The following LCLAT1 variants were observed in gnomAD, a reference collection of about 807,000 sequenced individuals.
The protein encoded by LCLAT1 is 1-AGP acyltransferase 8.
Under a neutral mutation model 30.7 loss-of-function variants are expected in LCLAT1, and 11 were observed. The observed-to-expected ratio is 0.36, with a 90% CI of 0.23 to 0.59. The LOEUF (loss-of-function observed/expected upper bound fraction) is 0.59. Ranked by LOEUF, LCLAT1 falls within the 20% of genes least tolerant of loss-of-function variation. The pLI is 0.77. For synonymous variants in LCLAT1, 155 were observed against 151.3 expected (o/e 1.02, Z -0.18); for missense variants, 402 against 458.6 (o/e 0.88, Z 1.13).
At chr2:30,498,553 C>A (rs1004544007) in intron 1 of LCLAT1, among the ~76,000 whole-genome samples, 2 of 152,148 alleles carry the variant, frequency 1.3e-5, no homozygotes, top group African/African-American at 4.8e-5. Context: ...GTTTGATTTT[C>A]AGGCTTCTTT....
intron 3 of LCLAT1, among the ~76,000 whole-genome samples, chr2:30,553,293 A>G (rs913478495): frequency 6.6e-5 from 10 of 152,328 alleles, no homozygotes; most frequent in African/African-American, 2.2e-4. Flanking sequence ...AGTCAAAACT[A>G]GGTTCTAAAA....
intron 3 of LCLAT1, among the ~76,000 whole-genome samples, chr2:30,552,042 G>A (rs1664704151): frequency 6.6e-6 from 1 of 152,102 alleles, no homozygotes; most frequent in South Asian, 2.1e-4. Context: ...ACATCTTTTG[G>A]GGGATGATTA....
intron 5 of LCLAT1, among the ~76,000 whole-genome samples, chr2:30,624,502 A>G (rs545750506): frequency 6.0e-4 from 92 of 152,360 alleles, no homozygotes; most frequent in African/African-American, 2.1e-3. Context: ...TTAAAGCAAC[A>G]GCAGTTAAAA....
intron 5 of LCLAT1, among the ~76,000 whole-genome samples, chr2:30,619,785 C>T (rs1668157351): frequency 6.6e-6 from 1 of 152,118 alleles, no homozygotes; most frequent in African/African-American, 2.4e-5. Flanking sequence ...TGCCTTCTTC[C>T]CTTTAAGTTT....
chr2:30,497,870 T>C lies in LCLAT1; in HGVS notation c.-4-27717T>C, dbSNP rs557504517. 6.1e-4 allele frequency among the ~76,000 whole-genome samples: 93 copies of C among 152,358 alleles called. No individual in the cohort carries two copies. The Middle Eastern group carries it at 0.014, about 22-fold the overall frequency. ...ACAATTTTGAACAATATATGGTATT[T>C]TTCTCTGCCTGCACCATGGAGTCCT... On this transcript the variant is annotated intron_variant, in intron 1 of 5. Transcript: ENST00000379509.
rs752044447 is a variant in LCLAT1, at chr2:30,488,066, TAAAAAG to T, written c.-4-37515_-4-37510del. Among the ~76,000 whole-genome samples, 4 of 152,314 alleles carry T rather than the reference TAAAAAG, an allele frequency of 2.6e-5. No homozygotes were observed. In the South Asian group the frequency reaches 8.3e-4, roughly 32 times the overall value. On this transcript the variant is annotated intron_variant, in intron 1 of 5. Coordinates refer to ENST00000379509, the MANE Select transcript of LCLAT1 (RefSeq NM_001002257.3). Reference sequence around the variant, plus strand: ...GTGAATTATATCTTAATAAAGCTGTTAAAAAGAAAAACCATCAAAGCTTTAGAGGTC... The same window carrying T: ...GTGAATTATATCTTAATAAAGCTGTTAAAAACCATCAAAGCTTTAGAGGTC...
chr2:30,583,679 A>C (rs1391283851), intron 5 of LCLAT1, among the ~76,000 whole-genome samples: 1 of 152,234 alleles, frequency 6.6e-6, no homozygotes, highest in Non-Finnish European at 1.5e-5. Context: ...AGAGAAAAGA[A>C]GAAAATGAAT....
At chr2:30,540,409 T>C (rs1664077041) in intron 3 of LCLAT1, among the ~76,000 whole-genome samples, 1 of 152,198 alleles carries the variant, frequency 6.6e-6, no homozygotes, top group Admixed American at 6.5e-5. Context: ...CTAATAATGT[T>C]GCAGTGATTT....
chr2:30,565,091 A>G (rs1665413578), intron 4 of LCLAT1, among the ~76,000 whole-genome samples: 1 of 152,098 alleles, frequency 6.6e-6, no homozygotes, highest in South Asian at 2.1e-4. Flanking sequence ...GGAGTTCTAT[A>G]TTGTATTGGC....
intron 1 of LCLAT1, among the ~76,000 whole-genome samples, chr2:30,464,524 A>G (rs1324312687): frequency 6.6e-6 from 1 of 152,210 alleles, no homozygotes; most frequent in Non-Finnish European, 1.5e-5. Context: ...TTGCCAACAA[A>G]AAGACCCCTT....
chr2:30,637,031 C>T (rs4952001), intron 5 of LCLAT1, among the ~76,000 whole-genome samples: 2 of 151,396 alleles, frequency 1.3e-5, no homozygotes. Context: ...TATTGATTTC[C>T]GAGGAGTTTT....
At chr2:30,579,750 A>G (rs182507302) in intron 5 of LCLAT1, among the ~76,000 whole-genome samples, 93 of 152,266 alleles carry the variant, frequency 6.1e-4, no homozygotes, top group Non-Finnish European at 9.6e-4. Flanking sequence ...AACAAACTGT[A>G]TAGAAAAGAA....
intron 5 of LCLAT1, among the ~76,000 whole-genome samples, chr2:30,638,899 G>A (rs1669164465): frequency 1.9e-5 from 2 of 107,092 alleles, no homozygotes; most frequent in South Asian, 4.8e-4. Flanking sequence ...GTCTTTTTTG[G>A]CCCCTACGTC....
Position 30,525,713 on chromosome 2 carries a change from G to T in LCLAT1, c.123G>T (p.Trp41Cys), listed in dbSNP as rs200647800. The change falls in exon 2 of 6, where the codon TGG becomes TGT. Residue 41 changes from tryptophan to cysteine, a missense_variant. Transcript: ENST00000379509. ...LMFVNPSWYR[W>C]INNRLVATWL... ...TTGTAAACCCATCTTGGTATCGCTG[G>T]ATCAACAACCGCCTTGTGGCAACAT... 6.8e-5 allele frequency: 109 copies of T among 1,613,894 alleles called. No individual in the cohort carries two copies. Among genetic ancestry groups the T allele is most frequent in the Non-Finnish European group, 1.2e-5 (14 of 1,180,018 alleles).
intron 1 of LCLAT1, among the ~76,000 whole-genome samples, chr2:30,449,028 C>A (rs1017997117): frequency 6.6e-6 from 1 of 152,028 alleles, no homozygotes; most frequent in Non-Finnish European, 1.5e-5. Flanking sequence ...TTATATGTGC[C>A]AACTCAGTCA....
intron 5 of LCLAT1, among the ~76,000 whole-genome samples, chr2:30,604,566 CT>C (rs1177803059): frequency 2.0e-5 from 3 of 147,250 alleles, no homozygotes; most frequent in Non-Finnish European, 4.4e-5. Context: ...TATACTTTCG[CT>C]TTTTTTCCCT....
chr2:30,494,459 CAAT>C (rs1683993437), intron 1 of LCLAT1, among the ~76,000 whole-genome samples: 1 of 151,988 alleles, frequency 6.6e-6, no homozygotes. Flanking sequence ...TGAAAGTGGA[CAAT>C]AATATCTATC....
intron 5 of LCLAT1, among the ~76,000 whole-genome samples, chr2:30,576,797 C>G (rs966644466): frequency 6.6e-6 from 1 of 151,738 alleles, no homozygotes; most frequent in Non-Finnish European, 1.5e-5. Flanking sequence ...TAGATTTTTT[C>G]TTCCTAATTC....
At chr2:30,533,085 A>G in intron 2 of LCLAT1, 31 bp from the exon 3 acceptor site, 1 of 1,479,430 alleles carries the variant, frequency 6.8e-7, no homozygotes, top group Non-Finnish European at 9.5e-7. Flanking sequence ...TCATAACTTT[A>G]ATTTGCTGTA....
Sources: allele counts gnomAD v4.1 joint callset (sites outside exome capture counted in the v4.1 genomes callset), GRCh38; gene constraint gnomAD v4.1.1; transcripts MANE v1.5; gene names NCBI Gene and HGNC (gene_info 2026-07-23, HGNC 2026-07-21).